Variants in MCTP1 observed in about 807,000 individuals in gnomAD.
MCTP1 encodes multiple C2 and transmembrane domain-containing protein 1.
In MCTP1, 69 loss-of-function variants were observed where a neutral mutation model predicts 120.6. The ratio of observed to expected loss-of-function variants is 0.57; its 90% confidence interval spans 0.47 to 0.70. The LOEUF (loss-of-function observed/expected upper bound fraction) is 0.70. MCTP1 is among the 30% of genes least tolerant of loss of function. The probability of loss-of-function intolerance (pLI) is 0.00; values close to 1 mark genes in which losing one functional copy is unlikely to be tolerated. For missense variants in MCTP1, 1,203 were observed against 1,248.8 expected, an observed-to-expected ratio of 0.96 and a Z score of 0.55; for synonymous variants, 529 against 493.1, an observed-to-expected ratio of 1.07 and a Z score of -0.96.
chr5:95,168,120 C>A (rs1375754803), intron 1 of MCTP1, among the ~76,000 whole-genome samples: 1 of 152,142 alleles, frequency 6.6e-6, no homozygotes, highest in African/African-American at 2.4e-5. Flanking sequence ...ATATGGCTAG[C>A]CAGTTTTCTC....
chr5:94,866,499 A>G (rs1007459864), intron 17 of MCTP1, among the ~76,000 whole-genome samples: 2 of 149,328 alleles, frequency 1.3e-5, no homozygotes, highest in Non-Finnish European at 3.0e-5. Context: ...TTTTTTCACC[A>G]TCCGTGTCAG....
At chr5:95,116,171 A>C (rs1582282809) in intron 1 of MCTP1, among the ~76,000 whole-genome samples, 1 of 152,212 alleles carries the variant, frequency 6.6e-6, no homozygotes, top group African/African-American at 2.4e-5. Flanking sequence ...TACTTCAATC[A>C]GAAAGAAAAA....
chr5:94,959,448 G>T (rs1202802306), intron 2 of MCTP1, among the ~76,000 whole-genome samples: 1 of 151,986 alleles, frequency 6.6e-6, no homozygotes, highest in Non-Finnish European at 1.5e-5. Context: ...GAGAAATAAA[G>T]GTATTCAAAT....
intron 17 of MCTP1, among the ~76,000 whole-genome samples, chr5:94,830,175 C>T (rs1162016863): frequency 6.6e-6 from 1 of 152,160 alleles, no homozygotes; most frequent in East Asian, 1.9e-4. Context: ...AACCAAACTC[C>T]TTTATTTTTC....
chr5:94,955,044 G>A (rs1822196594), intron 2 of MCTP1, among the ~76,000 whole-genome samples: 1 of 152,176 alleles, frequency 6.6e-6, no homozygotes, highest in Non-Finnish European at 1.5e-5. Flanking sequence ...GGTGATTTCT[G>A]CATTTCCAAC....
intron 17 of MCTP1, among the ~76,000 whole-genome samples, chr5:94,807,075 T>C (rs193170481): frequency 6.6e-6 from 1 of 152,340 alleles, no homozygotes; most frequent in Admixed American, 6.5e-5. Context: ...TTTTCCTGTA[T>C]AGTTCATCAT....
chr5:94,727,428 G>C (rs780744318), intron 19 of MCTP1, among the ~76,000 whole-genome samples: 1 of 152,114 alleles, frequency 6.6e-6, no homozygotes, highest in Non-Finnish European at 1.5e-5. Flanking sequence ...AACACTACTG[G>C]TATTTCCTTT....
chr5:94,730,390 A>G (rs1041194277), intron 19 of MCTP1, among the ~76,000 whole-genome samples: 12 of 152,150 alleles, frequency 7.9e-5, no homozygotes, highest in African/African-American at 2.2e-4. Flanking sequence ...AACTCAAGCA[A>G]TCCTCCTGCC....
At chr5:94,835,149 C>A (rs1039186077) in intron 17 of MCTP1, among the ~76,000 whole-genome samples, 1 of 152,076 alleles carries the variant, frequency 6.6e-6, no homozygotes, top group African/African-American at 2.4e-5. Context: ...GTTTAGTTAG[C>A]AGTTGATGAA....
chr5:95,003,517 A>G (rs752033503), intron 2 of MCTP1, among the ~76,000 whole-genome samples: 8 of 152,256 alleles, frequency 5.3e-5, no homozygotes, highest in African/African-American at 1.9e-4. Context: ...TAAGCAATGC[A>G]TGACCAAAAC....
chr5:95,228,020 C>A (rs764296905), intron 1 of MCTP1, among the ~76,000 whole-genome samples: 3 of 152,046 alleles, frequency 2.0e-5, no homozygotes, highest in Non-Finnish European at 2.9e-5. Context: ...CTAGGATAAG[C>A]ACTTTTGCTT....
chr5:95,151,655 G>C (rs922527579), intron 1 of MCTP1, among the ~76,000 whole-genome samples: 1 of 152,174 alleles, frequency 6.6e-6, no homozygotes, highest in Non-Finnish European at 1.5e-5. Flanking sequence ...CTGCAATGCT[G>C]TATCTGCATT....
At chr5:95,028,129 GA>G (rs1839623247) in intron 1 of MCTP1, among the ~76,000 whole-genome samples, 1 of 152,180 alleles carries the variant, frequency 6.6e-6, no homozygotes, top group African/African-American at 2.4e-5. Context: ...AGAATTGGGA[GA>G]AAATCTATGG....
intron 19 of MCTP1, among the ~76,000 whole-genome samples, chr5:94,716,330 G>C (rs1439107631): frequency 6.6e-6 from 1 of 151,582 alleles, no homozygotes; most frequent in African/African-American, 2.4e-5. Context: ...ACTGTCTTCA[G>C]AAGTCACCAT....
intron 1 of MCTP1, among the ~76,000 whole-genome samples, chr5:95,131,083 CT>C (rs1400896768): frequency 2.0e-5 from 3 of 152,164 alleles, no homozygotes; most frequent in African/African-American, 7.2e-5. Flanking sequence ...GCCAATGTCG[CT>C]GTCCATCATT....
chr5:95,121,517 A>G (rs1758239485), intron 1 of MCTP1, among the ~76,000 whole-genome samples: 1 of 152,060 alleles, frequency 6.6e-6, no homozygotes, highest in Admixed American at 6.6e-5. Context: ...AAAAAGAGAA[A>G]GATATCCCAT....
At chr5:94,881,506 A>G (rs1409419658) in intron 12 of MCTP1, among the ~76,000 whole-genome samples, 1 of 152,088 alleles carries the variant, frequency 6.6e-6, no homozygotes, top group African/African-American at 2.4e-5. Context: ...AAAAGAAATC[A>G]TATGTTCTCA....
chr5:94,909,152 C>G, intron 10 of MCTP1, 99 bp downstream of exon 10: 1 of 1,393,276 alleles, frequency 7.2e-7, no homozygotes, highest in Non-Finnish European at 9.9e-7. Flanking sequence ...TCCCTTTCTT[C>G]AAAACAGTAA....
intron 19 of MCTP1, among the ~76,000 whole-genome samples, chr5:94,716,206 A>G (rs1429840993): frequency 6.6e-6 from 1 of 152,166 alleles, no homozygotes; most frequent in African/African-American, 2.4e-5. Context: ...TTCACATGGG[A>G]GAAATTTGTC....
Sources: gnomAD v4.1 joint callset for allele counts (sites outside exome capture counted in the v4.1 genomes callset) on GRCh38, gnomAD v4.1.1 for gene constraint, MANE v1.5 for transcripts, NCBI Gene and HGNC (gene_info 2026-07-23, HGNC 2026-07-21) for gene names.